Variants in SGCZ observed in about 807,000 individuals in gnomAD.
SGCZ encodes the protein zeta-sarcoglycan.
SGCZ carries 40 observed loss-of-function variants against 41.3 expected under a neutral mutation model. The ratio of observed to expected loss-of-function variants is 0.97; its 90% CI spans 0.75 to 1.26. SGCZ has a LOEUF of 1.26. Among genes scored for constraint, SGCZ ranks in the 50% most tolerant of loss-of-function variants. The pLI, the probability that SGCZ is intolerant of heterozygous loss-of-function variation, is 0.00. For synonymous variants in SGCZ, 206 were observed against 137.5 expected, an observed-to-expected ratio of 1.50 and a Z score of -3.49; for missense variants, 552 against 369.8, an observed-to-expected ratio of 1.49 and a Z score of -4.04.
intron 1 of SGCZ, among the ~76,000 whole-genome samples, chr8:14,898,635 G>A (rs1179218952): frequency 6.6e-6 from 1 of 152,124 alleles, no homozygotes; most frequent in Non-Finnish European, 1.5e-5. Context: ...ATATATATAA[G>A]CGAGAATCGA....
rs188778530 is a variant in SGCZ at position 14,314,804 on chromosome 8, T to C, written c.336+9299A>G. 3.3e-5 allele frequency among the ~76,000 whole-genome samples: 5 copies of C among 152,238 alleles called. No homozygotes were observed. The East Asian group carries it at 9.7e-4, about 29-fold the overall frequency. On this transcript the variant is annotated intron_variant, in intron 3 of 7. Transcript: ENST00000382080. ...AGTTAAAGATGTCTGGCTCTAAAAATATTAAAAAGCATTTTATTATGCAAA... is the reference window on the plus strand; with the variant it reads ...AGTTAAAGATGTCTGGCTCTAAAAACATTAAAAAGCATTTTATTATGCAAA...
chr8:14,930,219 C>T lies in SGCZ; in HGVS notation c.39+307366G>A, dbSNP rs188941745. 1.1e-4 allele frequency among the ~76,000 whole-genome samples: 16 copies of T among 151,910 alleles called. No homozygotes were observed. The East Asian group carries it at 1.2e-3, about 11-fold the overall frequency. ...TCTCAAAAGAAGACATTTATGCAGC[C>T]GACAAACATATGAAAAAAAGCTCAT... On this transcript the variant is annotated intron_variant, in intron 1 of 7. Coordinates refer to ENST00000382080, the MANE Select transcript of SGCZ (RefSeq NM_139167.4).
At chr8:14,388,737 T>A (rs11992942) in intron 2 of SGCZ, among the ~76,000 whole-genome samples, 12,488 of 151,722 alleles carry the variant, frequency 0.082, 1,585 homozygotes, top group African/African-American at 0.27. Context: ...ATTAATGATG[T>A]AACAGTCTGT....
intron 1 of SGCZ, among the ~76,000 whole-genome samples, chr8:14,596,199 C>A (rs1805408118): frequency 6.6e-6 from 1 of 152,208 alleles, no homozygotes; most frequent in African/African-American, 2.4e-5. Context: ...GCCCCAGATG[C>A]AACCCTTTAT....
At chr8:15,047,154 T>C (rs916213330) in intron 1 of SGCZ, among the ~76,000 whole-genome samples, 5 of 152,064 alleles carry the variant, frequency 3.3e-5, no homozygotes, top group Non-Finnish European at 7.4e-5. Context: ...TTATCTTGTA[T>C]ATTTCCATAC....
chr8:14,551,486 ATATT>A (rs1803822612), intron 2 of SGCZ, among the ~76,000 whole-genome samples: 2 of 3,078 alleles, frequency 6.5e-4, no homozygotes, highest in Non-Finnish European at 7.7e-4. Flanking sequence ...TATATTATAT[ATATT>A]ATATATATTA....
At chr8:14,825,246 T>C (rs550954870) in intron 1 of SGCZ, among the ~76,000 whole-genome samples, 1 of 152,142 alleles carries the variant, frequency 6.6e-6, no homozygotes, top group Non-Finnish European at 1.5e-5. Flanking sequence ...ATCTGTGAAA[T>C]CCTTAGCAAG....
chr8:14,153,935 A>C (rs376336028), intron 5 of SGCZ, among the ~76,000 whole-genome samples: 1,813 of 120,998 alleles, frequency 0.015, 47 homozygotes, highest in African/African-American at 0.056. Context: ...ACACACACAC[A>C]CACAGACACA....
At chr8:14,211,456 T>C (rs1448783270) in intron 4 of SGCZ, among the ~76,000 whole-genome samples, 1 of 152,150 alleles carries the variant, frequency 6.6e-6, no homozygotes. Context: ...TTCTCTAGTA[T>C]CTACCTAAAG....
intron 1 of SGCZ, among the ~76,000 whole-genome samples, chr8:15,017,650 C>G (rs747709293): frequency 6.6e-6 from 1 of 152,028 alleles, no homozygotes; most frequent in Non-Finnish European, 1.5e-5. Context: ...GGACCACAGG[C>G]TCACATCATC....
At chr8:14,954,907 C>T (rs546489479) in intron 1 of SGCZ, among the ~76,000 whole-genome samples, 6 of 152,258 alleles carry the variant, frequency 3.9e-5, no homozygotes, top group African/African-American at 1.4e-4. Context: ...AGAAAACAAA[C>T]ATAAATTTGT....
intron 1 of SGCZ, among the ~76,000 whole-genome samples, chr8:15,172,232 A>G (rs1799861414): frequency 1.6e-5 from 2 of 125,120 alleles, no homozygotes; most frequent in Non-Finnish European, 3.1e-5. Context: ...CGCGATCTCG[A>G]CTCACTGCAA....
intron 4 of SGCZ, among the ~76,000 whole-genome samples, chr8:14,166,677 C>A (rs972552080): frequency 1.1e-4 from 17 of 151,836 alleles, no homozygotes; most frequent in Non-Finnish European, 1.9e-4. Flanking sequence ...ACACACACAC[C>A]CACACACACA....
chr8:14,587,224 C>A (rs1461056317), intron 1 of SGCZ, among the ~76,000 whole-genome samples: 1 of 151,790 alleles, frequency 6.6e-6, no homozygotes, highest in Non-Finnish European at 1.5e-5. Flanking sequence ...AATAAAGTTT[C>A]AACCAAACTT....
chr8:14,378,356 G>A lies in SGCZ; in HGVS notation c.235-54152C>T, dbSNP rs1804219573. 2.0e-5 allele frequency among the ~76,000 whole-genome samples: 3 copies of A among 152,112 alleles called. No homozygotes were observed. The South Asian group carries it at 6.2e-4, about 32-fold the overall frequency. ...AGAAAACCTAGGCAATACCATTCAG[G>A]ACATAGGCATGGGCAAGGACTTCAT... is the stretch of plus-strand genomic sequence containing the variant. On this transcript the variant is annotated intron_variant, in intron 2 of 7. Transcript: ENST00000382080.
chr8:15,172,242 A>G (rs1254117465), intron 1 of SGCZ, among the ~76,000 whole-genome samples: 3 of 133,998 alleles, frequency 2.2e-5, no homozygotes, highest in African/African-American at 8.6e-5. Flanking sequence ...ACTCACTGCA[A>G]GCTCCGCCTC....
intron 1 of SGCZ, among the ~76,000 whole-genome samples, chr8:15,180,539 A>G (rs948716300): frequency 6.6e-6 from 1 of 152,016 alleles, no homozygotes; most frequent in African/African-American, 2.4e-5. Context: ...TCTAATCTAC[A>G]TATGAAGGGG....
At chr8:14,158,678 G>A (rs774956133) in intron 5 of SGCZ, among the ~76,000 whole-genome samples, 1 of 152,216 alleles carries the variant, frequency 6.6e-6, no homozygotes, top group African/African-American at 2.4e-5. Context: ...GCAGCCAGCA[G>A]TGCAAATACC....
At chr8:14,870,490 A>G (rs1804109506) in intron 1 of SGCZ, among the ~76,000 whole-genome samples, 1 of 152,218 alleles carries the variant, frequency 6.6e-6, no homozygotes, top group South Asian at 2.1e-4. Flanking sequence ...ACCCTAGAAG[A>G]AAACCAAGGC....
Sources: gnomAD v4.1 joint callset for allele counts (sites outside exome capture counted in the v4.1 genomes callset) on GRCh38, gnomAD v4.1.1 for gene constraint, MANE v1.5 for transcripts, NCBI Gene and HGNC (gene_info 2026-07-23, HGNC 2026-07-21) for gene names.